SOS2: variants seen among roughly 807,000 people sequenced by gnomAD.
The protein encoded by SOS2 is son of sevenless homolog 2.
In SOS2, 65 loss-of-function variants were observed where a neutral mutation model predicts 148.2. The ratio of observed to expected loss-of-function variants is 0.44; its 90% confidence interval spans 0.36 to 0.54. SOS2 has a LOEUF of 0.54. SOS2 is among the 20% of genes least tolerant of loss of function. The pLI, the probability that SOS2 is intolerant of heterozygous loss-of-function variation, is 0.00. For synonymous variants in SOS2, 539 were observed against 537.1 expected (o/e 1.00, Z -0.05); for missense variants, 1,341 against 1,590.2 (o/e 0.84, Z 2.67).
chr14:50,126,010 A>C lies in SOS2; in HGVS notation c.3379+3951T>G, dbSNP rs536150669. 3.3e-5 allele frequency among the ~76,000 whole-genome samples: 5 copies of C among 152,300 alleles called. No individual in the cohort carries two copies. The South Asian group carries it at 6.2e-4, about 19-fold the overall frequency. ...ACATTTGGGGATTTCCTAAGTAAAA[A>C]ATTATCATTCCATCACTCTACAGTG... On this transcript the variant is annotated intron_variant, in intron 21 of 22. Transcript: ENST00000216373.
At chr14:50,132,032 G>A (rs1376993902) in intron 19 of SOS2, among the ~76,000 whole-genome samples, 2 of 152,138 alleles carry the variant, frequency 1.3e-5, no homozygotes, top group South Asian at 4.1e-4. Flanking sequence ...CAGATCAGCT[G>A]CAGACAAGAG....
intron 7 of SOS2, among the ~76,000 whole-genome samples, chr14:50,177,926 C>T (rs1389867685): frequency 6.6e-6 from 1 of 152,010 alleles, no homozygotes; most frequent in African/African-American, 2.4e-5. Context: ...GTACACAGTG[C>T]TTAAAAGAAA....
chr14:50,149,931 A>C, intron 14 of SOS2, 77 bp downstream of exon 14: 1 of 1,031,790 alleles, frequency 9.7e-7, no homozygotes, highest in Non-Finnish European at 1.5e-6. Flanking sequence ...CTCATGAATA[A>C]TGTGCAAAAT....
chr14:50,218,218 GAAAAAAA>G (rs35149667), intron 1 of SOS2, among the ~76,000 whole-genome samples: 3 of 95,800 alleles, frequency 3.1e-5, no homozygotes, highest in Non-Finnish European at 6.2e-5. Context: ...TCGATAAAAG[GAAAAAAA>G]AAAAAAAAAA....
At position 50,188,695 on chromosome 14, in the gene SOS2, C is replaced by T. The variant is rs561507728; in HGVS notation, c.516G>A (p.Leu172=). 7 of 1,586,508 alleles carry T rather than the reference C, an allele frequency of 4.4e-6. No individual in the cohort carries two copies. In the African/African-American group the frequency reaches 8.2e-5, roughly 19 times the overall value. The change falls in exon 5 of 23, where the codon TTG becomes TTA. Residue 172 remains leucine (L), a synonymous_variant. Coordinates refer to ENST00000216373, the MANE Select transcript of SOS2 (RefSeq NM_006939.4). The part of the protein sequence containing the change: ...IKVSMCADKV[L]MDMFDQDDIG... ...TGTCATCCTGATCAAACATGTCCATCAAAACCTGAGAAACAGAAATCAATA... is the reference window on the plus strand; with the variant it reads ...TGTCATCCTGATCAAACATGTCCATTAAAACCTGAGAAACAGAAATCAATA...
rs556194352 is a variant in SOS2, at chr14:50,204,354, A to G, written c.143T>C (p.Ile48Thr). Residue 48 changes from isoleucine to threonine, a missense_variant, in exon 2 of 23, where the codon ATT becomes ACT. Around this residue, in one of 4 missense-constraint regions of SOS2, gnomAD observed 574 missense variants for 711.1 expected, o/e 0.81. Transcript: ENST00000216373. Reference sequence around the variant, plus strand: ...AAGCAGCTGAAAAATCAGCTCTTCAATATAATAGAGAGACTCTTCATTAGC... The same window carrying G: ...AAGCAGCTGAAAAATCAGCTCTTCAGTATAATAGAGAGACTCTTCATTAGC... ...LSANEESLYY[I>T]EELIFQLLNK... The G allele has an allele frequency of 6.3e-7, 1 of 1,592,286 alleles. No individual in the cohort carries two copies. The highest frequency in any genetic ancestry group is 2.2e-5 in the East Asian group (1 of 44,626).
At chr14:50,215,467 G>A (rs1887017294) in intron 1 of SOS2, 1 of 1,247,640 alleles carries the variant, frequency 8.0e-7, no homozygotes, top group Non-Finnish European at 1.0e-6. Flanking sequence ...TACCACGACA[G>A]AACCAATTTG....
intron 8 of SOS2, among the ~76,000 whole-genome samples, chr14:50,168,280 G>A (rs966294764): frequency 6.6e-6 from 1 of 152,064 alleles, no homozygotes; most frequent in African/African-American, 2.4e-5. Flanking sequence ...GGAGTGCCGT[G>A]GTGTGATCTC....
At chr14:50,215,131 C>T (rs1055719164) in intron 1 of SOS2, among the ~76,000 whole-genome samples, 23 of 151,732 alleles carry the variant, frequency 1.5e-4, no homozygotes, top group Non-Finnish European at 5.9e-5. Flanking sequence ...CCACCGCGCC[C>T]GGCAAGGTTG....
intron 8 of SOS2, among the ~76,000 whole-genome samples, chr14:50,171,450 C>T (rs762098748): frequency 1.3e-5 from 2 of 151,956 alleles, no homozygotes; most frequent in Non-Finnish European, 2.9e-5. Context: ...TCTCGGGAGG[C>T]CAAGATGGAC....
At chr14:50,210,895 G>T (rs533712565) in intron 1 of SOS2, among the ~76,000 whole-genome samples, 1 of 152,200 alleles carries the variant, frequency 6.6e-6, no homozygotes, top group East Asian at 1.9e-4. Flanking sequence ...ATCAAATGTT[G>T]GTAACTATGT....
intron 4 of SOS2, 139 bp downstream of exon 4, chr14:50,199,552 T>C: frequency 2.2e-6 from 1 of 453,222 alleles, no homozygotes; most frequent in Non-Finnish European, 3.8e-6. Flanking sequence ...TCACGGTTAC[T>C]CTGTAAAGCC....
chr14:50,151,348 T>C (rs1391253953), intron 13 of SOS2, among the ~76,000 whole-genome samples: 5 of 152,244 alleles, frequency 3.3e-5, no homozygotes, highest in African/African-American at 1.2e-4. Flanking sequence ...AGCAGAGATA[T>C]AGTGACTTGG....
chr14:50,121,532 G>C (rs1027087771), intron 21 of SOS2, among the ~76,000 whole-genome samples: 28 of 2,612 alleles, frequency 0.011, 3 homozygotes, highest in African/African-American at 0.025. Context: ...TCCTGGGGGA[G>C]GGGGGGGAGT....
chr14:50,206,791 T>C lies in SOS2; in HGVS notation c.88-2382A>G, dbSNP rs1886672650. On this transcript the variant is annotated intron_variant, in intron 1 of 22. Coordinates refer to ENST00000216373, the MANE Select transcript of SOS2 (RefSeq NM_006939.4). ...ATAATAATCACGTCGTCAGAAAACA[T>C]ACTTTCTTTTTCATTTTTATTTAGT... Among the ~76,000 whole-genome samples the C allele has an allele frequency of 2.0e-5, 3 of 152,238 alleles. No homozygotes were observed. The South Asian group carries it at 6.2e-4, about 32-fold the overall frequency.
intron 14 of SOS2, among the ~76,000 whole-genome samples, chr14:50,146,503 G>A (rs944829076): frequency 6.6e-5 from 10 of 151,916 alleles, no homozygotes; most frequent in South Asian, 2.1e-4. Context: ...GAAATTAGCC[G>A]GGCGTAGTAG....
chr14:50,175,565 C>G (rs564668248), intron 7 of SOS2, among the ~76,000 whole-genome samples: 1 of 147,902 alleles, frequency 6.8e-6, no homozygotes, highest in African/African-American at 2.5e-5. Flanking sequence ...AAAACATAAA[C>G]AAGATCTCCG....
At chr14:50,157,311 T>C (rs1194989028) in intron 11 of SOS2, among the ~76,000 whole-genome samples, 190 bp from the exon 12 acceptor site, 2 of 152,132 alleles carry the variant, frequency 1.3e-5, no homozygotes, top group African/African-American at 2.4e-5. Flanking sequence ...ATTCTTACTT[T>C]TATAAAAACT....
chr14:50,192,869 GA>G (rs370084191), intron 4 of SOS2, among the ~76,000 whole-genome samples: 191 of 148,104 alleles, frequency 1.3e-3, no homozygotes, highest in East Asian at 4.1e-3. Context: ...GTCTCAGAAG[GA>G]AAAAAAAAAG....
Sources: allele counts gnomAD v4.1 joint callset (sites outside exome capture counted in the v4.1 genomes callset), GRCh38; gene constraint gnomAD v4.1.1; regional missense constraint gnomAD v4.1.1; transcripts MANE v1.5; gene names NCBI Gene and HGNC (gene_info 2026-07-23, HGNC 2026-07-21).